Variants in SUGCT observed in about 807,000 individuals in gnomAD.
SUGCT encodes succinyl-CoA:glutarate-CoA transferase, also known as succinyl-CoA:glutarate CoA-transferase.
A neutral mutation model predicts 55.0 loss-of-function variants in SUGCT; 41 were observed. That is an observed-to-expected ratio of 0.74 (90% CI 0.58 to 0.97). The LOEUF (loss-of-function observed/expected upper bound fraction) is 0.97. Among genes scored for constraint, SUGCT ranks in the 50% least tolerant of loss-of-function variants. SUGCT has a pLI of 0.00. For synonymous variants in SUGCT, 187 were observed against 200.4 expected (o/e 0.93, Z 0.56); for missense variants, 568 against 547.8 (o/e 1.04, Z -0.37).
intron 13 of SUGCT, among the ~76,000 whole-genome samples, chr7:40,762,551 C>T (rs1450537623): frequency 6.6e-6 from 1 of 152,084 alleles, no homozygotes; most frequent in Non-Finnish European, 1.5e-5. Flanking sequence ...GATTTGGCTG[C>T]CATGATACGG....
At chr7:40,185,799 AGGG>A (rs1785471300) in intron 3 of SUGCT, among the ~76,000 whole-genome samples, 1 of 152,156 alleles carries the variant, frequency 6.6e-6, no homozygotes, top group Non-Finnish European at 1.5e-5. Flanking sequence ...CTGGGATTAC[AGGG>A]GCGAGCCACC....
the SUGCT span, among the ~76,000 whole-genome samples, chr7:40,901,899 T>C: frequency 6.6e-6 from 1 of 152,324 alleles, no homozygotes; most frequent in East Asian, 1.9e-4. Flanking sequence ...GGTCATTTTG[T>C]ACAGTAGTGC....
chr7:40,148,684 A>G (rs1052132687), intron 1 of SUGCT, among the ~76,000 whole-genome samples: 2 of 152,120 alleles, frequency 1.3e-5, no homozygotes, highest in African/African-American at 4.8e-5. Context: ...CAGAATGAAG[A>G]CCCAAACCCA....
chr7:40,193,572 C>T (rs1715910000), intron 5 of SUGCT, among the ~76,000 whole-genome samples: 1 of 149,752 alleles, frequency 6.7e-6, no homozygotes, highest in Non-Finnish European at 1.5e-5. Context: ...AGGTGTGAGC[C>T]ACTATGCCCG....
chr7:40,848,673 C>T (rs1793703782), intron 13 of SUGCT, among the ~76,000 whole-genome samples: 1 of 152,132 alleles, frequency 6.6e-6, no homozygotes, highest in African/African-American at 2.4e-5. Context: ...CGTTTCTGAA[C>T]TCTGAGTGAG....
At chr7:40,655,293 C>A (rs1473866823) in intron 12 of SUGCT, among the ~76,000 whole-genome samples, 1 of 150,634 alleles carries the variant, frequency 6.6e-6, no homozygotes, top group African/African-American at 2.4e-5. Flanking sequence ...GATCCTGTCT[C>A]AAAAAAAAAT....
At chr7:40,196,889 C>A (rs777025890) in intron 6 of SUGCT, among the ~76,000 whole-genome samples, 1 of 152,098 alleles carries the variant, frequency 6.6e-6, no homozygotes, top group Non-Finnish European at 1.5e-5. Flanking sequence ...GGTTGGAGTG[C>A]TTTGGTGCAA....
the SUGCT span, among the ~76,000 whole-genome samples, chr7:41,030,820 G>A: frequency 6.6e-6 from 1 of 152,144 alleles, no homozygotes; most frequent in Non-Finnish European, 1.5e-5. Context: ...CCAGGGTGGT[G>A]AGTGAGGAGA....
chr7:40,509,951 C>T (rs1324094485), intron 12 of SUGCT, among the ~76,000 whole-genome samples: 1 of 152,068 alleles, frequency 6.6e-6, no homozygotes, highest in Non-Finnish European at 1.5e-5. Flanking sequence ...CATTTTCTTA[C>T]TATTTTTGAA....
chr7:40,865,108 G>A (rs551316567), downstream of SUGCT, among the ~76,000 whole-genome samples: 46 of 151,434 alleles, frequency 3.0e-4, no homozygotes, highest in Admixed American at 3.3e-4. Flanking sequence ...CTTCTCTGGG[G>A]TAAAAATCTT....
intron 9 of SUGCT, among the ~76,000 whole-genome samples, chr7:40,442,910 C>T (rs1456390478): frequency 6.6e-6 from 1 of 152,136 alleles, no homozygotes; most frequent in Non-Finnish European, 1.5e-5. Flanking sequence ...GTGTGATGCT[C>T]TCCATCCAAT....
intron 13 of SUGCT, among the ~76,000 whole-genome samples, chr7:40,844,539 C>T (rs13438791): frequency 6.6e-6 from 1 of 152,194 alleles, no homozygotes; most frequent in African/African-American, 2.4e-5. Flanking sequence ...CTCTTCTCAT[C>T]TCTGCTGCTC....
At chr7:40,416,588 G>T (rs976386758) in intron 9 of SUGCT, among the ~76,000 whole-genome samples, 3 of 151,704 alleles carry the variant, frequency 2.0e-5, no homozygotes, top group African/African-American at 7.3e-5. Context: ...TATGTTTATT[G>T]GTCATCTTTG....
intron 12 of SUGCT, among the ~76,000 whole-genome samples, chr7:40,723,341 T>G (rs1786448961): frequency 6.6e-6 from 1 of 152,040 alleles, no homozygotes; most frequent in Non-Finnish European, 1.5e-5. Flanking sequence ...GCTGTGGGAG[T>G]GGCTGCTTCT....
At position 40,679,946 on chromosome 7, in the gene SUGCT, T is replaced by C. The variant is rs955176355; in HGVS notation, c.1090-69488T>C. On this transcript the variant is annotated intron_variant, in intron 12 of 13. Transcript: ENST00000335693. Reference sequence around the variant, plus strand: ...ATTTGTGTCATGATATAGAAAGATATGCTGTTTGATTTTTTTAAGGCATTG... The same window carrying C: ...ATTTGTGTCATGATATAGAAAGATACGCTGTTTGATTTTTTTAAGGCATTG... Among the ~76,000 whole-genome samples the C allele has an allele frequency of 3.3e-5, 5 of 152,206 alleles. No individual in the cohort carries two copies. The East Asian group carries it at 9.6e-4, about 29-fold the overall frequency.
chr7:40,766,440 C>A (rs527906216), intron 13 of SUGCT, among the ~76,000 whole-genome samples: 1 of 152,134 alleles, frequency 6.6e-6, no homozygotes, highest in Non-Finnish European at 1.5e-5. Flanking sequence ...GAACTCCTGA[C>A]CTCAGGTGAT....
chr7:40,486,647 T>C (rs1791366986), intron 11 of SUGCT, among the ~76,000 whole-genome samples: 1 of 151,998 alleles, frequency 6.6e-6, no homozygotes, highest in Non-Finnish European at 1.5e-5. Context: ...CTGTGTTTCA[T>C]AGGTTTTGGT....
At chr7:40,459,381 A>T (rs1398280983) in intron 11 of SUGCT, among the ~76,000 whole-genome samples, 183 bp downstream of exon 11, 1 of 152,128 alleles carries the variant, frequency 6.6e-6, no homozygotes, top group Non-Finnish European at 1.5e-5. Flanking sequence ...GTTTAGAAGC[A>T]CTTGAACACA....
Position 40,730,492 on chromosome 7 carries a change from TG to T in SUGCT, c.1090-18940del, listed in dbSNP as rs370041693. 3.0e-4 allele frequency among the ~76,000 whole-genome samples: 45 copies of T among 152,364 alleles called. No individual in the cohort carries two copies. The East Asian group carries it at 4.2e-3, about 14-fold the overall frequency. ...TTTGGAATATGCATAAATTGTGTAA[TG>T]GCTCAGTTGAGCTAATTAATATCTG... On this transcript the variant is annotated intron_variant, in intron 12 of 13. Coordinates refer to ENST00000335693, the MANE Select transcript of SUGCT (RefSeq NM_001193313.2).
Sources: gnomAD v4.1 joint callset for allele counts (sites outside exome capture counted in the v4.1 genomes callset) on GRCh38, gnomAD v4.1.1 for gene constraint, MANE v1.5 for transcripts, NCBI Gene and HGNC (gene_info 2026-07-23, HGNC 2026-07-21) for gene names.